The following LRP6 variants were observed in gnomAD, a reference collection of about 807,000 sequenced individuals.
LRP6 encodes LDL receptor related protein 6.
Under a neutral mutation model 184.1 loss-of-function variants are expected in LRP6, and 43 were observed. The observed-to-expected ratio is 0.23, with a 90% CI of 0.18 to 0.30. LRP6 has a LOEUF of 0.30. LRP6 is among the 10% of genes least tolerant of loss of function. LRP6 has a pLI of 1.00. For synonymous variants in LRP6, 719 were observed against 684.9 expected (o/e 1.05, Z -0.78); for missense variants, 1,571 against 2,005.3 (o/e 0.78, Z 4.14).
At chr12:12,188,956 G>GAGTA (rs1275538450) in intron 3 of LRP6, among the ~76,000 whole-genome samples, 2 of 152,178 alleles carry the variant, frequency 1.3e-5, no homozygotes, top group African/African-American at 4.8e-5. Flanking sequence ...GAAAAATAAA[G>GAGTA]AGTAGTTAAA....
intron 3 of LRP6, among the ~76,000 whole-genome samples, chr12:12,190,284 G>C (rs991105858): frequency 2.0e-5 from 3 of 152,282 alleles, no homozygotes; most frequent in South Asian, 2.1e-4. Flanking sequence ...ACTTCAAGGA[G>C]GAGTTGATCA....
chr12:12,214,658 T>C lies in LRP6; in HGVS notation c.450-11258A>G, dbSNP rs182628328. On this transcript the variant is annotated intron_variant, in intron 2 of 22. Coordinates refer to ENST00000261349, the MANE Select transcript of LRP6 (RefSeq NM_002336.3). ...GTGAGAACTTTCTTTTTCCTTTAACTATCAGAGCCTATTTCTGTAAGCAAG... is the reference window on the plus strand; with the variant it reads ...GTGAGAACTTTCTTTTTCCTTTAACCATCAGAGCCTATTTCTGTAAGCAAG... Among the ~76,000 whole-genome samples, 84 of 152,368 alleles carry C rather than the reference T, an allele frequency of 5.5e-4. 1 individual carries two copies. The East Asian group carries it at 0.012, about 22-fold the overall frequency.
intron 20 of LRP6, 85 bp downstream of exon 20, chr12:12,126,606 T>G: frequency 1.9e-6 from 2 of 1,045,112 alleles, no homozygotes; most frequent in Admixed American, 1.7e-5. Context: ...TCAGACAGAC[T>G]CTAGGTAGTA....
At chr12:12,164,145 AC>A in intron 9 of LRP6, 127 bp downstream of exon 9, 6 of 824,566 alleles carry the variant, frequency 7.3e-6, no homozygotes, top group Non-Finnish European at 1.1e-5. Context: ...AAAAAAAAAA[AC>A]TTGAGGGTTT....
intron 7 of LRP6, among the ~76,000 whole-genome samples, chr12:12,167,883 A>C (rs1310301638): frequency 6.6e-6 from 1 of 152,172 alleles, no homozygotes; most frequent in East Asian, 1.9e-4. Flanking sequence ...ATATATGAAA[A>C]TAAAAGACCA....
intron 4 of LRP6, chr12:12,186,711 T>C (rs1167513308): frequency 1.4e-5 from 8 of 577,706 alleles, no homozygotes; most frequent in Non-Finnish European, 2.5e-5. Flanking sequence ...CAGGCTGGAG[T>C]GCAGTGGCGC....
At chr12:12,170,067 G>A (rs893830138) in intron 7 of LRP6, among the ~76,000 whole-genome samples, 4 of 152,082 alleles carry the variant, frequency 2.6e-5, no homozygotes, top group South Asian at 2.1e-4. Flanking sequence ...GAATGTTTTC[G>A]CTCACACCTG....
chr12:12,247,510 T>C (rs1173819061), intron 1 of LRP6, among the ~76,000 whole-genome samples: 1 of 152,184 alleles, frequency 6.6e-6, no homozygotes, highest in African/African-American at 2.4e-5. Context: ...GCAAAGTTAA[T>C]CTTTTTTAAG....
chr12:12,240,615 A>T (rs1056013367), intron 2 of LRP6, among the ~76,000 whole-genome samples: 1 of 152,122 alleles, frequency 6.6e-6, no homozygotes, highest in African/African-American at 2.4e-5. Flanking sequence ...ATACTTTTAA[A>T]ATATAAATAT....
At chr12:12,266,010 G>A (rs988429868) in intron 1 of LRP6, among the ~76,000 whole-genome samples, 2 of 152,132 alleles carry the variant, frequency 1.3e-5, no homozygotes, top group Non-Finnish European at 2.9e-5. Flanking sequence ...TGCATACTCC[G>A]AAAATAGGGG....
chr12:12,160,141 A>G (rs927261245), intron 10 of LRP6, among the ~76,000 whole-genome samples, 177 bp from the exon 11 acceptor site: 1 of 152,068 alleles, frequency 6.6e-6, no homozygotes, highest in Non-Finnish European at 1.5e-5. Flanking sequence ...TAAACTAAAT[A>G]TTTTTTTCCA....
rs1387928605 is a variant in LRP6, at chr12:12,121,432, A to C, written c.4548-12T>G. 3.7e-6 allele frequency: 6 copies of C among 1,613,364 alleles called. No individual in the cohort carries two copies. The highest frequency in any genetic ancestry group is 5.1e-6 in the Non-Finnish European group (6 of 1,179,402). ...TATATGGCCTGTAGCTGGTATAGGG[A>C]GAAAATAAAGAGAAGCAGTTAGTTT... On this transcript the variant is annotated splice_polypyrimidine_tract_variant and intron_variant, in intron 22 of 22. Coordinates refer to ENST00000261349, the MANE Select transcript of LRP6 (RefSeq NM_002336.3).
rs75760647 is a variant in LRP6, at chr12:12,190,454, G to T, written c.648-3335C>A. Among the ~76,000 whole-genome samples the T allele has an allele frequency of 2.4e-3, 372 of 152,314 alleles. 1 individual carries two copies. Among genetic ancestry groups the T allele is most frequent in the African/African-American group, 8.1e-3 (337 of 41,562 alleles). ...TCACTGAAGTTTTCATATAGTGCTT[G>T]CAATCTCTGAGCATCATCTCCTGCC... On this transcript the variant is annotated intron_variant, in intron 3 of 22. Transcript: ENST00000261349.
intron 7 of LRP6, among the ~76,000 whole-genome samples, chr12:12,179,252 A>C (rs1247432590): frequency 1.3e-5 from 2 of 152,122 alleles, no homozygotes; most frequent in Non-Finnish European, 2.9e-5. Flanking sequence ...TTGGTTAATT[A>C]GTCTTGTTCC....
At chr12:12,205,403 G>A (rs1470552653) in intron 2 of LRP6, among the ~76,000 whole-genome samples, 2 of 146,762 alleles carry the variant, frequency 1.4e-5, no homozygotes, top group East Asian at 4.1e-4. Flanking sequence ...TAATAAATGT[G>A]TTGAAACCCA....
chr12:12,213,374 A>C lies in LRP6; in HGVS notation c.450-9974T>G, dbSNP rs186699733. 1.6e-3 allele frequency among the ~76,000 whole-genome samples: 236 copies of C among 152,146 alleles called. 1 individual carries two copies. Among genetic ancestry groups the C allele is most frequent in the Non-Finnish European group, 4.7e-4 (32 of 67,960 alleles). On this transcript the variant is annotated intron_variant, in intron 2 of 22. Transcript: ENST00000261349. ...TAGAGACAAAGTAGGAAAAACATTT[A>C]CTATTTTTTTCAGTTTAGCTATTGG...
At chr12:12,223,970 C>G (rs1485859232) in intron 2 of LRP6, among the ~76,000 whole-genome samples, 1 of 152,146 alleles carries the variant, frequency 6.6e-6, no homozygotes, top group Non-Finnish European at 1.5e-5. Context: ...TTATATGAAG[C>G]AATATTATCA....
At position 12,117,900 on chromosome 12, in the gene LRP6, A is replaced by G. The variant is rs932013167; in HGVS notation, c.*3226T>C. The G allele has an allele frequency of 6.6e-5, 10 of 152,176 alleles. No individual in the cohort carries two copies. Among genetic ancestry groups the G allele is most frequent in the African/African-American group, 2.4e-4 (10 of 41,444 alleles). The allele number at this position is 152,176 out of a possible 1,614,324, so 9.4% of individuals were successfully genotyped here. ...ATAAAGAAATACAACCCTCAAAATC[A>G]TCTTAAAATTGTACTGCTCAAAGCC... On this transcript the variant is annotated 3_prime_UTR_variant, in exon 23 of 23. Transcript: ENST00000261349.
At position 12,169,895 on chromosome 12, in the gene LRP6, A is replaced by T. The variant is rs191755645; in HGVS notation, c.1546-4600T>A. ...TTTTGTAAGCACACTGTTTCCTTTA[A>T]TTCCTGATCTCCTTGTTCTCATCTG... On this transcript the variant is annotated intron_variant, in intron 7 of 22. Transcript: ENST00000261349. Among the ~76,000 whole-genome samples, 247 of 152,288 alleles carry T rather than the reference A, an allele frequency of 1.6e-3. 1 individual carries two copies. The highest frequency in any genetic ancestry group is 5.8e-3 in the African/African-American group (241 of 41,560).
Sources: gnomAD v4.1 joint callset for allele counts (sites outside exome capture counted in the v4.1 genomes callset) on GRCh38, gnomAD v4.1.1 for gene constraint, MANE v1.5 for transcripts, NCBI Gene and HGNC (gene_info 2026-07-23, HGNC 2026-07-21) for gene names.